The following CRACD variants were observed in gnomAD, a reference collection of about 807,000 sequenced individuals.
CRACD encodes capping protein-inhibiting regulator of actin dynamics.
A neutral mutation model predicts 106.8 loss-of-function variants in CRACD; 56 were observed. That is an observed-to-expected ratio of 0.52 (90% confidence interval 0.42 to 0.66). CRACD has a LOEUF of 0.66. Among genes scored for constraint, CRACD ranks in the 30% least tolerant of loss-of-function variants. The pLI is 0.00. For missense variants in CRACD, 1,730 were observed against 1,623.2 expected (o/e 1.07, Z -1.13); for synonymous variants, 754 against 670.8 (o/e 1.12, Z -1.92).
intron 1 of CRACD, among the ~76,000 whole-genome samples, chr4:56,171,672 ATAATGAATAGTGG>A (rs1302970416): frequency 2.0e-5 from 3 of 152,254 alleles, no homozygotes; most frequent in Admixed American, 2.0e-4. Context: ...ATGATAAATA[ATAATGAATAGTGG>A]TAAGCTTACA....
At chr4:56,283,005 G>A (rs951587164) in intron 3 of CRACD, among the ~76,000 whole-genome samples, 5 of 152,280 alleles carry the variant, frequency 3.3e-5, no homozygotes, top group Middle Eastern at 3.4e-3. Context: ...GGCTAACTTA[G>A]TTTGTTTTGC....
At chr4:56,110,924 G>T (rs1734101294) in intron 1 of CRACD, among the ~76,000 whole-genome samples, 1 of 152,238 alleles carries the variant, frequency 6.6e-6, no homozygotes, top group Middle Eastern at 3.4e-3. Flanking sequence ...TAAACAATTT[G>T]TGGAGAATTT....
chr4:56,327,187 G>C (rs1746505291), intron 10 of CRACD, among the ~76,000 whole-genome samples: 1 of 152,190 alleles, frequency 6.6e-6, no homozygotes, highest in Non-Finnish European at 1.5e-5. Flanking sequence ...TACTTTGGTT[G>C]TTGTAATTCT....
intron 3 of CRACD, among the ~76,000 whole-genome samples, chr4:56,290,982 C>A (rs1743672687): frequency 6.6e-6 from 1 of 152,206 alleles, no homozygotes; most frequent in South Asian, 2.1e-4. Context: ...TTGCATTTGA[C>A]TTCAAATCTT....
Position 56,315,235 on chromosome 4 carries a change from C to G in CRACD, c.1733C>G (p.Ala578Gly). The part of the protein sequence containing the change: ...AAPQEPKAPK[A>G]SPVQHALPSS... ...CCCCAGGAACCAAAGGCCCCCAAAG[C>G]CAGCCCAGTCCAGCACGCCCTACCG... is the stretch of plus-strand genomic sequence containing the variant. The change falls in exon 8 of 11, where the codon GCC (alanine) becomes GGC (glycine). Residue 578 changes from alanine (A) to glycine (G), a missense_variant. Coordinates refer to ENST00000682029, the MANE Select transcript of CRACD (RefSeq NM_001393381.1). This position sits in a 1 kb window ranked among gnomAD's most constrained non-coding sequence, Gnocchi z 4.1. The G allele has an allele frequency of 6.3e-7, 1 of 1,597,820 alleles. No homozygotes were observed.
At chr4:56,286,683 C>T (rs1344828298) in intron 3 of CRACD, among the ~76,000 whole-genome samples, 2 of 151,882 alleles carry the variant, frequency 1.3e-5, no homozygotes, top group Non-Finnish European at 2.9e-5. Context: ...ATTGATTTTT[C>T]GACTGCTCTC....
intron 3 of CRACD, among the ~76,000 whole-genome samples, chr4:56,278,969 A>T (rs756988151): frequency 9.9e-5 from 15 of 152,222 alleles, no homozygotes; most frequent in Non-Finnish European, 1.9e-4. Flanking sequence ...TAGGAAGGCT[A>T]CAGGCAAAAA....
chr4:56,247,102 C>A (rs1299865767), intron 2 of CRACD, among the ~76,000 whole-genome samples: 1 of 152,132 alleles, frequency 6.6e-6, no homozygotes, highest in Non-Finnish European at 1.5e-5. Context: ...TGCAAATAAT[C>A]CAAGCTTTGA....
intron 10 of CRACD, among the ~76,000 whole-genome samples, chr4:56,326,616 A>C (rs568547160): frequency 1.3e-5 from 2 of 152,190 alleles, no homozygotes; most frequent in African/African-American, 4.8e-5. Context: ...TAAGAAGCCT[A>C]TACACTCTGA....
At chr4:56,061,571 C>T (rs1192374479) in intron 1 of CRACD, among the ~76,000 whole-genome samples, 1 of 152,080 alleles carries the variant, frequency 6.6e-6, no homozygotes, top group Non-Finnish European at 1.5e-5. Context: ...GCATGAGGCA[C>T]TGTCGTGGGT....
intron 1 of CRACD, among the ~76,000 whole-genome samples, chr4:56,085,613 G>A (rs1392812755): frequency 6.6e-6 from 1 of 152,182 alleles, no homozygotes; most frequent in Admixed American, 6.5e-5. Flanking sequence ...TCTCTGTTGA[G>A]TATTTTACTT....
At chr4:56,175,762 C>A (rs868428413) in intron 1 of CRACD, among the ~76,000 whole-genome samples, 1 of 152,136 alleles carries the variant, frequency 6.6e-6, no homozygotes, top group Non-Finnish European at 1.5e-5. Context: ...TTGTTTTCCT[C>A]GCTATGCAGA....
intron 2 of CRACD, among the ~76,000 whole-genome samples, chr4:56,198,815 A>T (rs1192385807): frequency 6.6e-6 from 1 of 152,222 alleles, no homozygotes; most frequent in Non-Finnish European, 1.5e-5. Context: ...TAATATATTT[A>T]AAAATAAGAC....
intron 3 of CRACD, among the ~76,000 whole-genome samples, chr4:56,277,454 T>A (rs1176486212): frequency 1.6e-4 from 23 of 143,704 alleles, no homozygotes; most frequent in African/African-American, 2.5e-4. Context: ...TCATGATTTA[T>A]AAAAAAAAAA....
At chr4:56,133,050 C>T (rs996619034) in intron 1 of CRACD, among the ~76,000 whole-genome samples, 5 of 152,154 alleles carry the variant, frequency 3.3e-5, no homozygotes, top group Non-Finnish European at 5.9e-5. Flanking sequence ...TGTTAGAGGT[C>T]TGATTGCCCT....
At position 56,330,216 on chromosome 4, in the gene CRACD, CAT is replaced by C. The variant is rs1746719197; in HGVS notation, c.*2414_*2415del. On this transcript the variant is annotated 3_prime_UTR_variant, in exon 11 of 11. Transcript: ENST00000682029. ...TTTTTTTTTTTTTTATTTAAACAAA[CAT>C]ACACTTCTCCTGGCAAGGTTATAGA... Among the ~76,000 whole-genome samples, 2 of 149,818 alleles carry C rather than the reference CAT, an allele frequency of 1.3e-5. No homozygotes were observed. The highest frequency in any genetic ancestry group is 4.2e-4 in the South Asian group (2 of 4,732).
rs756378914 is a variant in CRACD at position 56,315,123 on chromosome 4, G to A, written c.1621G>A (p.Val541Met). Residue 541 changes from valine (V) to methionine (M), a missense_variant, in exon 8 of 11, where the codon GTG becomes ATG. Physicochemically the swap from Val to Met is conservative, Grantham distance 21. Coordinates refer to ENST00000682029, the MANE Select transcript of CRACD (RefSeq NM_001393381.1). This position sits in a 1 kb window ranked among gnomAD's most constrained non-coding sequence, Gnocchi z 4.1. ...QTMPRPYTFQ[V>M]SSGGKQILFP... Reference sequence around the variant, plus strand: ...CATGCCCCGGCCCTACACGTTCCAGGTGTCCTCCGGAGGGAAGCAGATTCT... The same window carrying A: ...CATGCCCCGGCCCTACACGTTCCAGATGTCCTCCGGAGGGAAGCAGATTCT... The A allele has an allele frequency of 3.1e-6, 5 of 1,610,434 alleles. No homozygotes were observed. The highest frequency in any genetic ancestry group is 3.4e-5 in the Admixed American group (2 of 59,508).
At chr4:56,214,925 G>A (rs112272477) in intron 2 of CRACD, among the ~76,000 whole-genome samples, 22,903 of 151,134 alleles carry the variant, frequency 0.15, 1,919 homozygotes, top group South Asian at 0.22. Context: ...ATGTGAACCC[G>A]GGAGGTGGAG....
chr4:56,225,880 AG>A (rs1488112166), intron 2 of CRACD, among the ~76,000 whole-genome samples: 2 of 152,222 alleles, frequency 1.3e-5, no homozygotes, highest in African/African-American at 4.8e-5. Flanking sequence ...CTCCATTTTT[AG>A]GTAGAACCCA....
Sources: allele counts gnomAD v4.1 joint callset (sites outside exome capture counted in the v4.1 genomes callset), GRCh38; gene constraint gnomAD v4.1.1; non-coding constraint Gnocchi (gnomAD v3.1); transcripts MANE v1.5; gene names NCBI Gene and HGNC (gene_info 2026-07-23, HGNC 2026-07-21).